Variants in MYCBP2 observed in about 807,000 individuals in gnomAD.
The protein encoded by MYCBP2 is MYC binding protein 2.
MYCBP2 carries 120 observed loss-of-function variants against 525.3 expected under a neutral mutation model. That is an observed-to-expected ratio of 0.23 (90% confidence interval 0.20 to 0.27). The LOEUF (loss-of-function observed/expected upper bound fraction) is 0.27. Among genes scored for constraint, MYCBP2 ranks in the 10% least tolerant of loss-of-function variants. The pLI is 1.00. For synonymous variants in MYCBP2, 1,894 were observed against 1,955.8 expected (o/e 0.97, Z 0.83); for missense variants, 4,149 against 5,657.1 (o/e 0.73, Z 8.55).
chr13:77,169,749 T>C (rs759254174), intron 38 of MYCBP2, 35 bp from the exon 39 acceptor site: 2 of 1,533,300 alleles, frequency 1.3e-6, no homozygotes, highest in South Asian at 1.1e-5. Flanking sequence ...AAAACTATAG[T>C]CAGAAGGTAA....
chr13:77,056,196 C>T (rs1340939754), intron 79 of MYCBP2, among the ~76,000 whole-genome samples: 2 of 142,992 alleles, frequency 1.4e-5, no homozygotes, highest in African/African-American at 5.3e-5. Context: ...CGCCAGGTGA[C>T]AGAAGTGAAC....
intron 3 of MYCBP2, among the ~76,000 whole-genome samples, chr13:77,285,894 GAAAGC>G (rs1567158001): frequency 2.0e-5 from 2 of 101,784 alleles, no homozygotes; most frequent in African/African-American, 7.3e-5. Context: ...GAAAGGAAAG[GAAAGC>G]AAAGGAAAGC....
intron 52 of MYCBP2, among the ~76,000 whole-genome samples, chr13:77,134,971 T>C (rs1566658378): frequency 2.0e-5 from 3 of 152,326 alleles, no homozygotes; most frequent in Non-Finnish European, 1.5e-5. Context: ...TGGGTAATTA[T>C]AGTAATCTTA....
At chr13:77,307,860 A>G (rs746126182) in intron 1 of MYCBP2, among the ~76,000 whole-genome samples, 6 of 151,838 alleles carry the variant, frequency 4.0e-5, no homozygotes, top group Non-Finnish European at 8.8e-5. Context: ...TAGAACCTCT[A>G]CTTTAGTGTT....
intron 59 of MYCBP2, 121 bp downstream of exon 59, chr13:77,093,044 C>T: frequency 4.3e-6 from 4 of 935,846 alleles, no homozygotes; most frequent in African/African-American, 1.7e-5. Flanking sequence ...CTTACTGCTC[C>T]AGCAGTTAGC....
chr13:77,051,327 A>C (rs2036762398), intron 81 of MYCBP2, among the ~76,000 whole-genome samples, 165 bp from the exon 82 acceptor site: 1 of 152,256 alleles, frequency 6.6e-6, no homozygotes, highest in Non-Finnish European at 1.5e-5. Flanking sequence ...AAAACTAACA[A>C]ATAAATATGT....
intron 40 of MYCBP2, among the ~76,000 whole-genome samples, chr13:77,167,354 C>T (rs1316922388): frequency 6.6e-6 from 1 of 151,990 alleles, no homozygotes; most frequent in African/African-American, 2.4e-5. Flanking sequence ...CTTATCCTAC[C>T]AGAAAGCAAG....
chr13:77,088,895 T>G lies in MYCBP2; in HGVS notation c.10662A>C (p.Glu3554Asp), dbSNP rs149657232. 1.4e-4 allele frequency: 228 copies of G among 1,613,266 alleles called. No individual in the cohort carries two copies. Among genetic ancestry groups the G allele is most frequent in the Non-Finnish European group, 1.8e-4 (217 of 1,179,560 alleles). Residue 3554 changes from glutamate (E) to aspartate (D), a missense_variant, in exon 61 of 83, where the codon GAA (glutamate) becomes GAC (aspartate). Coordinates refer to ENST00000544440, the MANE Select transcript of MYCBP2 (RefSeq NM_015057.5). ...LAFVIQHHDLEGLEIAMKQAL... is the reference protein window; with the variant it reads ...LAFVIQHHDLDGLEIAMKQAL... ...CCTGTTTCATTGCTATTTCAAGACC[T>G]TCTAGATCATGATGTTGTATAACAA...
intron 40 of MYCBP2, among the ~76,000 whole-genome samples, chr13:77,166,812 C>T (rs569821096): frequency 3.9e-5 from 6 of 152,022 alleles, no homozygotes; most frequent in African/African-American, 1.4e-4. Context: ...AAACAAAATC[C>T]AAATTTAAAA....
intron 13 of MYCBP2, 83 bp from the exon 14 acceptor site, chr13:77,257,912 T>C: frequency 1.8e-6 from 2 of 1,131,842 alleles, no homozygotes; most frequent in Non-Finnish European, 2.4e-6. Context: ...TGCAGAACCG[T>C]TTATTTCTGG....
At chr13:77,294,563 C>A (rs1185952855) in intron 2 of MYCBP2, among the ~76,000 whole-genome samples, 4 of 152,106 alleles carry the variant, frequency 2.6e-5, no homozygotes, top group Non-Finnish European at 5.9e-5. Context: ...CTCACCTCTT[C>A]CTGGATATCA....
intron 1 of MYCBP2, among the ~76,000 whole-genome samples, chr13:77,318,444 T>G (rs140298631): frequency 5.1e-4 from 77 of 152,310 alleles, no homozygotes; most frequent in African/African-American, 1.9e-3. Context: ...AAAAATATTT[T>G]TATTTCCTTC....
At chr13:77,062,748 G>T in intron 73 of MYCBP2, 51 bp from the exon 74 acceptor site, 1 of 1,430,764 alleles carries the variant, frequency 7.0e-7, no homozygotes, top group Non-Finnish European at 9.9e-7. Flanking sequence ...AAAGACTTAT[G>T]AAATGCTGAC....
intron 68 of MYCBP2, among the ~76,000 whole-genome samples, chr13:77,076,439 T>C (rs2042311475): frequency 6.6e-6 from 1 of 152,168 alleles, no homozygotes; most frequent in Non-Finnish European, 1.5e-5. Flanking sequence ...ACAGTACTTT[T>C]GAGCTGAACT....
At chr13:77,164,625 C>G (rs1224701274) in intron 42 of MYCBP2, 84 bp from the exon 43 acceptor site, 1 of 853,592 alleles carries the variant, frequency 1.2e-6, no homozygotes, top group African/African-American at 1.7e-5. Flanking sequence ...TGAATTCAAG[C>G]ATTACTTTTG....
chr13:77,286,915 A>C (rs1330494907), intron 3 of MYCBP2, among the ~76,000 whole-genome samples: 4 of 143,880 alleles, frequency 2.8e-5, no homozygotes, highest in Non-Finnish European at 4.5e-5. Flanking sequence ...AATGGAGTCT[A>C]GCTCTGTTGT....
At chr13:77,294,109 T>TATATATATATATATATATATATATAA (rs1421433401) in intron 2 of MYCBP2, among the ~76,000 whole-genome samples, 1 of 52,402 alleles carries the variant, frequency 1.9e-5, no homozygotes, top group Non-Finnish European at 5.1e-5. Context: ...AATGGCTATA[T>TATATATATATATATATATATATATAA]ATATATATAT....
chr13:77,165,410 T>C lies in MYCBP2; in HGVS notation c.6341-19A>G, dbSNP rs1235931388. ...TCATTTCCTAATAAAAATGCCAGAATTGAGTTCAAACTCTAAAACAATTTT... is the reference window on the plus strand; with the variant it reads ...TCATTTCCTAATAAAAATGCCAGAACTGAGTTCAAACTCTAAAACAATTTT... On this transcript the variant is annotated intron_variant, in intron 41 of 82. Coordinates refer to ENST00000544440, the MANE Select transcript of MYCBP2 (RefSeq NM_015057.5). 2 of 1,539,208 alleles carry C rather than the reference T, an allele frequency of 1.3e-6. No individual in the cohort carries two copies. The highest frequency in any genetic ancestry group is 2.4e-5 in the South Asian group (2 of 83,818).
rs769857801 is a variant in MYCBP2, at chr13:77,061,191, C to A, written c.13014G>T (p.Met4338Ile). 1 of 1,607,484 alleles carries A rather than the reference C, an allele frequency of 6.2e-7. No homozygotes were observed. The highest frequency in any genetic ancestry group is 1.7e-5 in the Admixed American group (1 of 59,044). Residue 4338 changes from methionine to isoleucine, a missense_variant, in exon 76 of 83, where the codon ATG becomes ATT. By Grantham distance (10) the Met-to-Ile change is conservative. Around this residue, in one of 21 missense-constraint regions of MYCBP2, gnomAD observed 220 missense variants for 396.0 expected, o/e 0.56. Coordinates refer to ENST00000544440, the MANE Select transcript of MYCBP2 (RefSeq NM_015057.5). ...TACCTGTGTGTTCTCGGAATTCCACCATTGCCTTCATTGTTTTAGAATCTG... is the reference window on the plus strand; with the variant it reads ...TACCTGTGTGTTCTCGGAATTCCACAATTGCCTTCATTGTTTTAGAATCTG... ...ALADSKTMKAMVEFREHTGKP... is the reference protein window; with the variant it reads ...ALADSKTMKAIVEFREHTGKP...
Sources: gnomAD v4.1 joint callset for allele counts (sites outside exome capture counted in the v4.1 genomes callset) on GRCh38, gnomAD v4.1.1 for gene constraint, gnomAD v4.1.1 regional missense constraint, MANE v1.5 for transcripts, NCBI Gene and HGNC (gene_info 2026-07-23, HGNC 2026-07-21) for gene names.